The following LRBA variants were observed in gnomAD, a reference collection of about 807,000 sequenced individuals.
The protein encoded by LRBA is lipopolysaccharide-responsive and beige-like anchor protein.
In LRBA, 176 loss-of-function variants were observed where a neutral mutation model predicts 330.0. The observed-to-expected ratio is 0.53, with a 90% confidence interval of 0.47 to 0.60. LRBA has a LOEUF of 0.60. Among genes scored for constraint, LRBA ranks in the 20% least tolerant of loss-of-function variants. The pLI, the probability that LRBA is intolerant of heterozygous loss-of-function variation, is 0.00. For missense variants in LRBA, 3,259 were observed against 3,444.8 expected, an observed-to-expected ratio of 0.95 and a Z score of 1.35; for synonymous variants, 1,230 against 1,193.0, an observed-to-expected ratio of 1.03 and a Z score of -0.64.
chr4:150,702,387 G>A (rs1218896754), intron 36 of LRBA, among the ~76,000 whole-genome samples: 1 of 152,108 alleles, frequency 6.6e-6, no homozygotes, highest in Non-Finnish European at 1.5e-5. Context: ...AAGGTAAACA[G>A]AAATAACAAA....
chr4:150,706,946 A>G (rs1785688209), intron 36 of LRBA, among the ~76,000 whole-genome samples: 1 of 151,848 alleles, frequency 6.6e-6, no homozygotes, highest in African/African-American at 2.4e-5. Flanking sequence ...ATGCTTCATA[A>G]CACATTCTAT....
At chr4:150,686,314 T>A (rs915539939) in intron 36 of LRBA, among the ~76,000 whole-genome samples, 6 of 152,162 alleles carry the variant, frequency 3.9e-5, no homozygotes, top group Non-Finnish European at 8.8e-5. Context: ...AGAACTAGAA[T>A]AACTCATGAG....
chr4:150,467,050 T>C (rs940122836), intron 44 of LRBA, among the ~76,000 whole-genome samples: 1 of 152,030 alleles, frequency 6.6e-6, no homozygotes, highest in Non-Finnish European at 1.5e-5. Context: ...CCAGAGAGCA[T>C]GAAAGTTATC....
chr4:150,992,542 A>G (rs1385165386), intron 2 of LRBA, among the ~76,000 whole-genome samples: 1 of 152,220 alleles, frequency 6.6e-6, no homozygotes, highest in Non-Finnish European at 1.5e-5. Flanking sequence ...GGGAAAATAT[A>G]TGGAGGTATA....
intron 17 of LRBA, among the ~76,000 whole-genome samples, chr4:150,885,273 C>T (rs1728828985): frequency 6.7e-6 from 1 of 150,012 alleles, no homozygotes. Context: ...AATTTAATGA[C>T]GAAACATTTA....
chr4:150,900,090 A>C lies in LRBA; in HGVS notation c.1883T>G (p.Val628Gly), dbSNP rs1220042886. The C allele has an allele frequency of 1.2e-6, 2 of 1,613,470 alleles. No homozygotes were observed. Among genetic ancestry groups the C allele is most frequent in the Non-Finnish European group, 1.7e-6 (2 of 1,179,650 alleles). The part of the protein sequence containing the change: ...MHTLKYYYWA[V>G]NPQDRSGITP... ...GATACCACTTCGATCCTGAGGATTCACTGCCCAGTAGTAGTACTTCAGCGT... is the reference window on the plus strand; with the variant it reads ...GATACCACTTCGATCCTGAGGATTCCCTGCCCAGTAGTAGTACTTCAGCGT... The change falls in exon 14 of 57, where the codon GTG (valine) becomes GGG (glycine). Residue 628 changes from valine to glycine, a missense_variant. Coordinates refer to ENST00000651943, the MANE Select transcript of LRBA (RefSeq NM_001364905.1).
intron 42 of LRBA, among the ~76,000 whole-genome samples, chr4:150,475,965 C>G (rs1756658326): frequency 6.6e-6 from 1 of 151,634 alleles, no homozygotes. Flanking sequence ...ATAGTCATGT[C>G]TCTACTTTCA....
intron 2 of LRBA, among the ~76,000 whole-genome samples, chr4:150,996,917 G>GA (rs1394153352): frequency 6.6e-6 from 1 of 151,986 alleles, no homozygotes; most frequent in Non-Finnish European, 1.5e-5. Context: ...TTGTTACATG[G>GA]AAAAAATAAA....
At chr4:150,633,038 C>T (rs913479225) in intron 37 of LRBA, among the ~76,000 whole-genome samples, 1 of 152,108 alleles carries the variant, frequency 6.6e-6, no homozygotes, top group African/African-American at 2.4e-5. Context: ...ATATACCCAG[C>T]GAAAATCTCC....
intron 36 of LRBA, among the ~76,000 whole-genome samples, chr4:150,708,512 C>T (rs1329814604): frequency 6.6e-6 from 1 of 151,760 alleles, no homozygotes; most frequent in African/African-American, 2.4e-5. Context: ...AATAATCCTT[C>T]TTAAACACAA....
intron 47 of LRBA, among the ~76,000 whole-genome samples, chr4:150,360,170 A>T (rs890567982): frequency 6.6e-5 from 10 of 152,098 alleles, no homozygotes; most frequent in South Asian, 2.1e-4. Context: ...AATTTTTTTT[A>T]AAAAATGACA....
chr4:150,849,954 C>T (rs1750402102), intron 24 of LRBA, among the ~76,000 whole-genome samples: 1 of 151,990 alleles, frequency 6.6e-6, no homozygotes, highest in African/African-American at 2.4e-5. Flanking sequence ...TGCTTTTAAA[C>T]ATAACAAGAA....
At chr4:150,804,911 C>G (rs1460340551) in intron 33 of LRBA, among the ~76,000 whole-genome samples, 2 of 152,044 alleles carry the variant, frequency 1.3e-5, no homozygotes, top group East Asian at 3.8e-4. Flanking sequence ...GTACACTGCA[C>G]TCCAGCCTAC....
At chr4:150,834,343 TTAAA>T (rs1365796876) in intron 28 of LRBA, among the ~76,000 whole-genome samples, 1 of 152,190 alleles carries the variant, frequency 6.6e-6, no homozygotes, top group African/African-American at 2.4e-5. Context: ...AATGTATGTC[TTAAA>T]TAATAAGAAG....
chr4:150,277,247 A>C (rs1385347999), intron 56 of LRBA, among the ~76,000 whole-genome samples: 2 of 147,446 alleles, frequency 1.4e-5, no homozygotes, highest in Non-Finnish European at 3.0e-5. Context: ...ACACAGAGGA[A>C]CATCACATAC....
chr4:150,591,994 C>A lies in LRBA; in HGVS notation c.6047-1135G>T, dbSNP rs1027064801. On this transcript the variant is annotated intron_variant, in intron 38 of 56. Coordinates refer to ENST00000651943, the MANE Select transcript of LRBA (RefSeq NM_001364905.1). ...GATTTGTAAAACTTCATATGTGTAT[C>A]TTTTCCTAATCTTTTTTTGAATGGT... Among the ~76,000 whole-genome samples the A allele has an allele frequency of 3.3e-5, 5 of 152,076 alleles. No individual in the cohort carries two copies. In the East Asian group the frequency reaches 5.8e-4, roughly 18 times the overall value.
intron 35 of LRBA, among the ~76,000 whole-genome samples, chr4:150,750,215 A>G (rs577049426): frequency 2.6e-5 from 4 of 151,930 alleles, no homozygotes; most frequent in Non-Finnish European, 5.9e-5. Flanking sequence ...TCTTATTTTG[A>G]TTACTTGTTT....
intron 28 of LRBA, among the ~76,000 whole-genome samples, chr4:150,837,160 T>C (rs984189610): frequency 2.2e-4 from 33 of 152,200 alleles, no homozygotes; most frequent in African/African-American, 6.7e-4. Flanking sequence ...GTCGGAGAGA[T>C]GGTTTGTTAT....
chr4:150,867,109 AT>A (rs1427345919), intron 22 of LRBA, among the ~76,000 whole-genome samples: 1 of 144,964 alleles, frequency 6.9e-6, no homozygotes. Flanking sequence ...CTTTGGCTTA[AT>A]TTAAAAAAAA....
Sources: gnomAD v4.1 joint callset for allele counts (sites outside exome capture counted in the v4.1 genomes callset) on GRCh38, gnomAD v4.1.1 for gene constraint, MANE v1.5 for transcripts, NCBI Gene and HGNC (gene_info 2026-07-23, HGNC 2026-07-21) for gene names.